LAMP5: variants seen among roughly 807,000 people sequenced by gnomAD.
LAMP5 encodes lysosome-associated membrane glycoprotein 5.
In LAMP5, 36 loss-of-function variants were observed where a neutral mutation model predicts 30.2. The observed-to-expected ratio is 1.19, with a 90% CI of 0.91 to 1.57. The LOEUF (loss-of-function observed/expected upper bound fraction) is 1.57. LAMP5 is among the 40% of genes most tolerant of loss of function. The pLI is 0.00. For missense variants in LAMP5, 377 were observed against 354.9 expected, an observed-to-expected ratio of 1.06 and a Z score of -0.50; for synonymous variants, 149 against 134.6, an observed-to-expected ratio of 1.11 and a Z score of -0.74.
intron 1 of LAMP5, 54 bp from the exon 2 acceptor site, chr20:9,515,399 C>T: frequency 1.2e-5 from 18 of 1,549,024 alleles, no homozygotes; most frequent in Non-Finnish European, 1.6e-5. Context: ...CCCTAGCGCC[C>T]GAGACGCGTG....
chr20:9,522,584 T>G (rs897222014), intron 5 of LAMP5, among the ~76,000 whole-genome samples: 4 of 152,332 alleles, frequency 2.6e-5, no homozygotes, highest in African/African-American at 9.6e-5. Context: ...TAGCCAGTCA[T>G]AGAATTCTGT....
intron 5 of LAMP5, among the ~76,000 whole-genome samples, chr20:9,522,276 C>T (rs997077759): frequency 2.0e-5 from 3 of 152,136 alleles, no homozygotes; most frequent in Non-Finnish European, 4.4e-5. Flanking sequence ...CCCAGATCTG[C>T]GGGAACTTTA....
chr20:9,529,691 C>A lies in LAMP5; in HGVS notation c.714C>A (p.Pro238=). The change falls in exon 6 of 6, where the codon CCC becomes CCA. Residue 238 remains proline, a synonymous_variant. Transcript: ENST00000246070. ...DEREQLEETL[P]LILGLILGLV... is the part of the protein sequence containing the mutation. ...GGGAGCAACTGGAAGAAACCTTGCC[C>A]CTGATTTTGGGGCTCATCTTGGGCC... is the stretch of plus-strand genomic sequence containing the variant. 1.2e-6 allele frequency: 2 copies of A among 1,614,196 alleles called. No homozygotes were observed. The highest frequency in any genetic ancestry group is 1.7e-6 in the Non-Finnish European group (2 of 1,180,022).
intron 5 of LAMP5, among the ~76,000 whole-genome samples, chr20:9,529,336 A>T (rs562770212): frequency 1.3e-5 from 2 of 148,192 alleles, no homozygotes; most frequent in South Asian, 4.1e-4. Context: ...AACAATAAAA[A>T]CAATGATGAT....
chr20:9,524,336 G>A (rs1176535884), intron 5 of LAMP5, among the ~76,000 whole-genome samples: 2 of 152,082 alleles, frequency 1.3e-5, no homozygotes, highest in Non-Finnish European at 2.9e-5. Flanking sequence ...TAGGTCATGA[G>A]CAGCATTGTT....
At position 9,516,017 on chromosome 20, in the gene LAMP5, C is replaced by T. The variant is rs915499868; in HGVS notation, c.255C>T (p.Ala85=). Residue 85 remains alanine, a synonymous_variant, in exon 3 of 6, where the codon GCC becomes GCT. Coordinates refer to ENST00000246070, the MANE Select transcript of LAMP5 (RefSeq NM_012261.4). ...GTTCCCAGCTGATCACAGAACAGGC[C>T]GATATCGCATTGACCCGGGGAGCTG... ...SNYVDLITEQ[A]DIALTRGAEV... is the part of the protein sequence containing the mutation. 3.3e-6 allele frequency: 5 copies of T among 1,524,164 alleles called. No homozygotes were observed. The Admixed American group carries it at 6.8e-5, about 21-fold the overall frequency. 94.4% of individuals were successfully genotyped at this position (1,524,164 alleles called of 1,614,324 possible).
intron 5 of LAMP5, among the ~76,000 whole-genome samples, chr20:9,527,340 A>T (rs1195446789): frequency 1.3e-5 from 2 of 152,178 alleles, no homozygotes; most frequent in African/African-American, 4.8e-5. Flanking sequence ...TGTACCTCAG[A>T]GGGTTGTTAA....
At chr20:9,515,905 C>T in intron 2 of LAMP5, 95 bp from the exon 3 acceptor site, 3 of 1,371,578 alleles carry the variant, frequency 2.2e-6, no homozygotes, top group Non-Finnish European at 2.9e-6. Context: ...AAGGAGCGCC[C>T]AAGCGTGCAA....
At chr20:9,529,000 G>A (rs186716520) in intron 5 of LAMP5, among the ~76,000 whole-genome samples, 11 of 152,268 alleles carry the variant, frequency 7.2e-5, no homozygotes, top group African/African-American at 2.6e-4. Context: ...ATTCCATTTT[G>A]ATGGACATTT....
chr20:9,529,932 C>G lies in LAMP5; in HGVS notation c.*112C>G. The G allele has an allele frequency of 9.1e-7, 1 of 1,100,386 alleles. No individual in the cohort carries two copies. The allele number at this position is 1,100,386 out of a possible 1,614,324, so 68.2% of individuals were successfully genotyped here. A position where few individuals can be genotyped will look rare whatever the true frequency, so the allele number is the denominator to read the frequency against. On this transcript the variant is annotated 3_prime_UTR_variant, in exon 6 of 6. Transcript: ENST00000246070. ...ATACACCAACATAGCTACAATCAAA[C>G]AGGCCTGGGTATCTGAGGCTTGCTT...
chr20:9,526,989 G>T (rs2045119023), intron 5 of LAMP5, among the ~76,000 whole-genome samples: 1 of 150,670 alleles, frequency 6.6e-6, no homozygotes, highest in Non-Finnish European at 1.5e-5. Context: ...GAATACACCT[G>T]TGAAGCCATC....
intron 5 of LAMP5, among the ~76,000 whole-genome samples, chr20:9,529,421 T>A (rs1408307032): frequency 6.6e-6 from 1 of 152,256 alleles, no homozygotes; most frequent in African/African-American, 2.4e-5. Context: ...AGGAATCCAA[T>A]AATTACATGT....
chr20:9,527,701 T>C (rs1305133893), intron 5 of LAMP5, among the ~76,000 whole-genome samples: 2 of 152,218 alleles, frequency 1.3e-5, no homozygotes, highest in Non-Finnish European at 2.9e-5. Flanking sequence ...AAGAAGCAAA[T>C]GAGCCTGTTC....
At chr20:9,515,904 C>G in intron 2 of LAMP5, 96 bp from the exon 3 acceptor site, 2 of 1,362,270 alleles carry the variant, frequency 1.5e-6, no homozygotes, top group Non-Finnish European at 9.7e-7. Flanking sequence ...AAAGGAGCGC[C>G]CAAGCGTGCA....
intron 5 of LAMP5, among the ~76,000 whole-genome samples, chr20:9,522,345 G>A (rs753006872): frequency 6.6e-5 from 10 of 152,174 alleles, no homozygotes; most frequent in Admixed American, 6.5e-5. Flanking sequence ...CCAGTAGAGC[G>A]TCCTGTGGCA....
intron 5 of LAMP5, among the ~76,000 whole-genome samples, chr20:9,526,565 C>A (rs1005116934): frequency 6.6e-6 from 1 of 152,184 alleles, no homozygotes; most frequent in African/African-American, 2.4e-5. Context: ...CTTTCTGATA[C>A]ACTGTGTCAT....
chr20:9,524,595 T>TAAAAAAAAAAAAAAAA lies in LAMP5; in HGVS notation c.665-5041_665-5026dup, dbSNP rs748114210. ...CCCTCATCTAAAACCCAGATCGAAC[T>TAAAAAAAAAAAAAAAA]AAAAAAAAAAAAAAAAAAAAACAAA... On this transcript the variant is annotated intron_variant, in intron 5 of 5. Transcript: ENST00000246070. 2.0e-3 allele frequency among the ~76,000 whole-genome samples: 164 copies of TAAAAAAAAAAAAAAAA among 82,066 alleles called. 1 individual carries two copies. The highest frequency in any genetic ancestry group is 8.5e-3 in the East Asian group (25 of 2,940). 53.8% of individuals were successfully genotyped at this position (82,066 alleles called of 152,430 possible).
intron 1 of LAMP5, 98 bp downstream of exon 1, chr20:9,515,014 G>T: frequency 8.9e-7 from 1 of 1,125,308 alleles, no homozygotes; most frequent in Non-Finnish European, 1.3e-6. Context: ...AAAAAATATG[G>T]CCCTTAATGT....
chr20:9,515,877 C>G, intron 2 of LAMP5, 123 bp from the exon 3 acceptor site: 1 of 1,199,378 alleles, frequency 8.3e-7, no homozygotes, highest in Non-Finnish European at 1.1e-6. Context: ...TTCCCGGAAC[C>G]TGGGATGCGC....
Sources: gnomAD v4.1 joint callset for allele counts (sites outside exome capture counted in the v4.1 genomes callset) on GRCh38, gnomAD v4.1.1 for gene constraint, MANE v1.5 for transcripts, NCBI Gene and HGNC (gene_info 2026-07-23, HGNC 2026-07-21) for gene names.